Variants in RICTOR observed in about 807,000 individuals in gnomAD.
RICTOR encodes the protein RPTOR independent companion of MTOR complex 2, also known as rapamycin-insensitive companion of mTOR.
Under a neutral mutation model 214.9 loss-of-function variants are expected in RICTOR, and 49 were observed. The observed-to-expected ratio is 0.23, with a 90% CI of 0.18 to 0.29. The LOEUF (loss-of-function observed/expected upper bound fraction) is 0.29, where lower values mean the gene tolerates loss of function less well. Among genes scored for constraint, RICTOR ranks in the 10% least tolerant of loss-of-function variants. The probability of loss-of-function intolerance (pLI) is 1.00; values close to 1 mark genes in which losing one functional copy is unlikely to be tolerated. For missense variants in RICTOR, 1,625 were observed against 2,047.0 expected (o/e 0.79, Z 3.98); for synonymous variants, 717 against 711.3 (o/e 1.01, Z -0.13).
chr5:39,068,310 A>C (rs1158665046), intron 2 of RICTOR, among the ~76,000 whole-genome samples: 1 of 152,232 alleles, frequency 6.6e-6, no homozygotes, highest in Non-Finnish European at 1.5e-5. Flanking sequence ...AGGGGCATAC[A>C]GTCTCCACGG....
In RICTOR at chr5:39,003,419, A is replaced by G. The variant is rs527669510; in HGVS notation, c.260+139T>C. ...AAAACAAAACTACTGTAGCTCTTAG[A>G]TTTTTTCTAATGTTCAAGCAACTAT... On this transcript the variant is annotated intron_variant, in intron 4 of 37. Transcript: ENST00000357387. 130 of 535,206 alleles carry G rather than the reference A, an allele frequency of 2.4e-4. No individual in the cohort carries two copies. In the Middle Eastern group the frequency reaches 4.0e-3, roughly 16 times the overall value. The allele number at this position is 535,206 out of a possible 1,614,324, so 33.2% of individuals were successfully genotyped here. A position where few individuals can be genotyped will look rare whatever the true frequency, so the allele number is the denominator to read the frequency against.
chr5:39,015,648 T>A (rs1387537635), intron 3 of RICTOR, among the ~76,000 whole-genome samples: 1 of 152,014 alleles, frequency 6.6e-6, no homozygotes, highest in Non-Finnish European at 1.5e-5. Context: ...TTGTTAGTAA[T>A]GCCAGCATTG....
intron 7 of RICTOR, among the ~76,000 whole-genome samples, chr5:38,982,417 T>C: frequency 6.6e-6 from 1 of 152,210 alleles, no homozygotes; most frequent in South Asian, 2.1e-4. Context: ...TATATTTTTA[T>C]TAAACACACA....
chr5:39,039,918 A>G (rs1316036031), intron 2 of RICTOR, among the ~76,000 whole-genome samples: 1 of 152,098 alleles, frequency 6.6e-6, no homozygotes, highest in African/African-American at 2.4e-5. Flanking sequence ...GCGATTCCTC[A>G]GGGATCTAGA....
chr5:39,036,275 T>C (rs575360945), intron 2 of RICTOR, among the ~76,000 whole-genome samples: 10 of 152,320 alleles, frequency 6.6e-5, no homozygotes, highest in African/African-American at 9.6e-5. Flanking sequence ...CTGAGAGATT[T>C]TGTCACCACC....
intron 9 of RICTOR, 115 bp from the exon 10 acceptor site, chr5:38,975,719 T>TTTTTA: frequency 1.4e-6 from 1 of 736,228 alleles, no homozygotes; most frequent in Non-Finnish European, 2.3e-6. Context: ...CATTTACACA[T>TTTTTA]AAAATTAAAA....
At chr5:38,991,204 T>G in intron 6 of RICTOR, 129 bp from the exon 7 acceptor site, 1 of 479,824 alleles carries the variant, frequency 2.1e-6, no homozygotes, top group East Asian at 3.5e-5. Flanking sequence ...TTTTAATCTT[T>G]TGCTTATGGA....
At position 38,987,136 on chromosome 5, in the gene RICTOR, T is replaced by C. The variant is rs532208773; in HGVS notation, c.583+3813A>G. ...CTGGATTTGGTTTGCCAGTATTTTA[T>C]TGAAGATTTTCACATCGATTTTCAT... On this transcript the variant is annotated intron_variant, in intron 7 of 37. Transcript: ENST00000357387. Among the ~76,000 whole-genome samples the C allele has an allele frequency of 1.7e-4, 26 of 152,346 alleles. 1 individual carries two copies. In the South Asian group the frequency reaches 2.9e-3, roughly 17 times the overall value.
Position 39,074,398 on chromosome 5 carries a change from A to G in RICTOR, c.-21T>C, listed in dbSNP as rs969705136. ...GCCATATTGACGGGTTTCAGTCACA[A>G]CACCGGAAACCTCGCCCAATCGCGC... On this transcript the variant is annotated 5_prime_UTR_variant, in exon 1 of 38. Coordinates refer to ENST00000357387, the MANE Select transcript of RICTOR (RefSeq NM_152756.5). 2.0e-6 allele frequency: 3 copies of G among 1,529,106 alleles called. No individual in the cohort carries two copies. Among genetic ancestry groups the G allele is most frequent in the Non-Finnish European group, 2.6e-6 (3 of 1,136,716 alleles). 94.7% of individuals were successfully genotyped at this position (1,529,106 alleles called of 1,614,324 possible). A position where few individuals can be genotyped will look rare whatever the true frequency, so the allele number is the denominator to read the frequency against.
chr5:38,970,383 T>C (rs1411447911), intron 11 of RICTOR: 1 of 152,230 alleles, frequency 6.6e-6, no homozygotes, highest in African/African-American at 2.4e-5. Context: ...CCCAAGGTCA[T>C]GGAGCTAACA....
intron 2 of RICTOR, among the ~76,000 whole-genome samples, chr5:39,027,023 T>C (rs1755883436): frequency 6.6e-6 from 1 of 151,846 alleles, no homozygotes; most frequent in Non-Finnish European, 1.5e-5. Context: ...AAATAAAAAA[T>C]AATGTATTAC....
Position 39,016,912 on chromosome 5 carries a change from T to A in RICTOR, c.195+4127A>T, listed in dbSNP as rs560182520. Among the ~76,000 whole-genome samples, 11 of 152,340 alleles carry A rather than the reference T, an allele frequency of 7.2e-5. 1 individual carries two copies. In the South Asian group the frequency reaches 2.3e-3, roughly 32 times the overall value. ...AAAATAGTAAAATAACATTTAATAA[T>A]GTTTTATACTAATTACATCAAATGA... On this transcript the variant is annotated intron_variant, in intron 3 of 37. Coordinates refer to ENST00000357387, the MANE Select transcript of RICTOR (RefSeq NM_152756.5).
intron 2 of RICTOR, among the ~76,000 whole-genome samples, chr5:39,035,863 G>A (rs1396610655): frequency 4.6e-5 from 7 of 152,188 alleles, no homozygotes; most frequent in Non-Finnish European, 8.8e-5. Context: ...AAGTGACGGG[G>A]AGAATGGAAC....
intron 3 of RICTOR, among the ~76,000 whole-genome samples, chr5:39,010,715 C>A (rs1329115798): frequency 6.6e-6 from 1 of 152,198 alleles, no homozygotes. Flanking sequence ...TGCCACTGCA[C>A]TAGAAATCTG....
At chr5:38,985,864 T>G (rs1752129481) in intron 7 of RICTOR, among the ~76,000 whole-genome samples, 1 of 151,988 alleles carries the variant, frequency 6.6e-6, no homozygotes, top group Non-Finnish European at 1.5e-5. Flanking sequence ...CCTGGCTAAT[T>G]TTTGTATTTT....
intron 2 of RICTOR, among the ~76,000 whole-genome samples, chr5:39,050,322 C>A (rs554564565): frequency 6.6e-6 from 1 of 151,560 alleles, no homozygotes; most frequent in Non-Finnish European, 1.5e-5. Flanking sequence ...GAACTTACTG[C>A]TTTGTTTTTC....
At position 38,942,385 on chromosome 5, in the gene RICTOR, A is replaced by T. The variant is rs1012871655; in HGVS notation, c.5053-7T>A. On this transcript the variant is annotated splice_polypyrimidine_tract_variant and splice_region_variant and intron_variant, in intron 37 of 37. Transcript: ENST00000357387. Reference sequence around the variant, plus strand: ...CCTCTGCTTCTTCATGCATCTAGGGAAAAAATGGTGTATCATCAATTACTT... The same window carrying T: ...CCTCTGCTTCTTCATGCATCTAGGGTAAAAATGGTGTATCATCAATTACTT... The T allele has an allele frequency of 2.6e-5, 41 of 1,565,672 alleles. No individual in the cohort carries two copies. Among genetic ancestry groups the T allele is most frequent in the Non-Finnish European group, 3.5e-5 (40 of 1,144,402 alleles).
chr5:38,945,110 G>A (rs1352996060), intron 34 of RICTOR, 42 bp from the exon 35 acceptor site: 1 of 1,371,568 alleles, frequency 7.3e-7, no homozygotes, highest in Non-Finnish European at 1.0e-6. Context: ...CACCATAACG[G>A]CTTAATTCCT....
chr5:39,039,970 T>C (rs979084711), intron 2 of RICTOR, among the ~76,000 whole-genome samples: 2 of 152,146 alleles, frequency 1.3e-5, no homozygotes, highest in Non-Finnish European at 2.9e-5. Context: ...TTACTGGGTA[T>C]ATACCCAAAG....
Sources: allele counts gnomAD v4.1 joint callset (sites outside exome capture counted in the v4.1 genomes callset), GRCh38; gene constraint gnomAD v4.1.1; transcripts MANE v1.5; gene names NCBI Gene and HGNC (gene_info 2026-07-23, HGNC 2026-07-21).